ZNF518A: variants seen among roughly 807,000 people sequenced by gnomAD.
ZNF518A encodes the protein zinc finger protein 518.
Under a neutral mutation model 102.7 loss-of-function variants are expected in ZNF518A, and 47 were observed. The observed-to-expected ratio is 0.46, with a 90% CI of 0.36 to 0.58. The LOEUF (loss-of-function observed/expected upper bound fraction) is 0.58. Among genes scored for constraint, ZNF518A ranks in the 20% least tolerant of loss-of-function variants. The pLI, the probability that ZNF518A is intolerant of heterozygous loss-of-function variation, is 0.00. For synonymous variants in ZNF518A, 652 were observed against 594.6 expected, an observed-to-expected ratio of 1.10 and a Z score of -1.40; for missense variants, 1,793 against 1,699.8, an observed-to-expected ratio of 1.05 and a Z score of -0.96.
chr10:96,161,063 C>T lies in ZNF518A; in HGVS notation c.*289C>T, dbSNP rs587645863. On this transcript the variant is annotated 3_prime_UTR_variant, in exon 6 of 6. Transcript: ENST00000316045. ...AGGGCTAAAGAAAATTTTGATAAAA[C>T]AATTTTCCCACTTTAGTTCTTTAGT... is the stretch of plus-strand genomic sequence containing the variant. 489 of 265,134 alleles carry T rather than the reference C, an allele frequency of 1.8e-3. 1 individual carries two copies. Among genetic ancestry groups the T allele is most frequent in the Non-Finnish European group, 3.2e-3 (429 of 133,302 alleles). The allele number at this position is 265,134 out of a possible 1,614,324, so 16.4% of individuals were successfully genotyped here. A position where few individuals can be genotyped will look rare whatever the true frequency, so the allele number is the denominator to read the frequency against.
At chr10:96,181,729 T>G (rs2083241397) in intron 1 of ZNF518A, among the ~76,000 whole-genome samples, 2 of 152,228 alleles carry the variant, frequency 1.3e-5, no homozygotes, top group African/African-American at 4.8e-5. Flanking sequence ...CATTCTGTTT[T>G]GGTTACTGTA....
intron 1 of ZNF518A, chr10:96,191,665 C>T (rs782398928): frequency 4.2e-6 from 1 of 235,430 alleles, no homozygotes; most frequent in Non-Finnish European, 8.3e-6. Context: ...TATGCAAGAG[C>T]ATTATTTTCT....
intron 3 of ZNF518A, among the ~76,000 whole-genome samples, chr10:96,144,904 A>G (rs782111797): frequency 1.1e-4 from 17 of 152,228 alleles, no homozygotes; most frequent in Non-Finnish European, 2.1e-4. Flanking sequence ...AAATTGTTCA[A>G]CATTATAGTT....
At chr10:96,156,071 A>G (rs2082680500) in intron 5 of ZNF518A, 24 bp downstream of exon 5, 1 of 233,008 alleles carries the variant, frequency 4.3e-6, no homozygotes, top group Non-Finnish European at 8.2e-6. Flanking sequence ...AAAATACTTA[A>G]AAAGTCTTTT....
intron 1 of ZNF518A, among the ~76,000 whole-genome samples, chr10:96,175,187 A>G (rs2083195837): frequency 6.6e-6 from 1 of 152,210 alleles, no homozygotes; most frequent in African/African-American, 2.4e-5. Flanking sequence ...AGCTCATTCT[A>G]TGAGGCCAAA....
intron 3 of ZNF518A, among the ~76,000 whole-genome samples, chr10:96,153,179 G>C (rs587750862): frequency 6.6e-6 from 1 of 152,322 alleles, no homozygotes; most frequent in South Asian, 2.1e-4. Context: ...AGGGCAGGAG[G>C]AAGAGAGTAT....
chr10:96,179,681 T>A (rs1302172470), intron 1 of ZNF518A, among the ~76,000 whole-genome samples: 3 of 152,220 alleles, frequency 2.0e-5, no homozygotes, highest in African/African-American at 7.2e-5. Flanking sequence ...ACATACATAC[T>A]GACAGACATA....
At chr10:96,149,971 A>G (rs1191202146) in intron 3 of ZNF518A, among the ~76,000 whole-genome samples, 4 of 152,084 alleles carry the variant, frequency 2.6e-5, no homozygotes, top group Non-Finnish European at 5.9e-5. Context: ...TCAGAACTCT[A>G]TATAAATGTT....
intron 1 of ZNF518A, among the ~76,000 whole-genome samples, chr10:96,169,990 G>C (rs896840753): frequency 6.6e-6 from 1 of 152,214 alleles, no homozygotes; most frequent in Admixed American, 6.5e-5. Context: ...TGTTTGCTAA[G>C]GGACTTGTGT....
At chr10:96,204,022 C>G in exon 3 of ZNF518A, 2 of 1,593,326 alleles carry the variant, frequency 1.3e-6, no homozygotes, top group Non-Finnish European at 1.7e-6. Flanking sequence ...GCCTCGACCA[C>G]TCCCTGATAC....
At chr10:96,144,549 A>G (rs2082083463) in intron 3 of ZNF518A, among the ~76,000 whole-genome samples, 1 of 152,226 alleles carries the variant, frequency 6.6e-6, no homozygotes, top group African/African-American at 2.4e-5. Flanking sequence ...ATAAATTACC[A>G]AAGTGACTCA....
rs782048825 is a variant in ZNF518A at position 96,156,705 on chromosome 10, C to A, written c.383C>A (p.Thr128Asn). Residue 128 changes from threonine to asparagine, a missense_variant, in exon 6 of 6, where the codon ACT becomes AAT. By Grantham distance (65) the Thr-to-Asn change is moderately conservative. This residue lies in a region of ZNF518A where 1,741 missense variants were observed against 1,622.6 expected (regional missense o/e 1.07). Coordinates refer to ENST00000316045, the MANE Select transcript of ZNF518A (RefSeq NM_001330736.2). ...NFSCLKCRDNTRYSPNDLQKH... is the reference protein window; with the variant it reads ...NFSCLKCRDNNRYSPNDLQKH... ...AGCTGTTTAAAATGCCGAGACAACACTCGATATAGCCCAAATGATTTGCAG... is the reference window on the plus strand; with the variant it reads ...AGCTGTTTAAAATGCCGAGACAACAATCGATATAGCCCAAATGATTTGCAG... 5 of 1,613,838 alleles carry A rather than the reference C, an allele frequency of 3.1e-6. No homozygotes were observed. In the East Asian group the frequency reaches 1.1e-4, roughly 36 times the overall value.
At chr10:96,163,917 C>T (rs1216925372), downstream of ZNF518A, among the ~76,000 whole-genome samples, 2 of 152,030 alleles carry the variant, frequency 1.3e-5, no homozygotes, top group African/African-American at 4.8e-5. Flanking sequence ...AAAGTACGAA[C>T]TAAAATATGT....
intron 3 of ZNF518A, among the ~76,000 whole-genome samples, chr10:96,145,064 T>TTTG (rs56087328): frequency 3.9e-4 from 59 of 150,768 alleles, no homozygotes; most frequent in African/African-American, 9.7e-4. Context: ...ACATGTATGT[T>TTTG]TTGTTGTTGT....
chr10:96,176,717 G>A (rs2083206578), intron 1 of ZNF518A, among the ~76,000 whole-genome samples: 1 of 152,188 alleles, frequency 6.6e-6, no homozygotes, highest in African/African-American at 2.4e-5. Context: ...CCAACATGGT[G>A]AAACTCCATC....
chr10:96,171,324 A>G (rs755263121), intron 1 of ZNF518A, among the ~76,000 whole-genome samples: 2 of 152,218 alleles, frequency 1.3e-5, no homozygotes, highest in African/African-American at 2.4e-5. Flanking sequence ...ATAAATGTGT[A>G]TATCTATACA....
chr10:96,172,343 G>A (rs2083178815), intron 1 of ZNF518A, among the ~76,000 whole-genome samples: 1 of 151,984 alleles, frequency 6.6e-6, no homozygotes, highest in South Asian at 2.1e-4. Flanking sequence ...AAGCTATTTT[G>A]CAGTAAGGAA....
chr10:96,158,218 C>A lies in ZNF518A; in HGVS notation c.1896C>A (p.Ser632=), dbSNP rs1591234298. Residue 632 remains serine, a synonymous_variant, in exon 6 of 6, where the codon TCC becomes TCA. Coordinates refer to ENST00000316045, the MANE Select transcript of ZNF518A (RefSeq NM_001330736.2). ...YGNCELPVES[S]NQGSLPFHNY... ...ACTGTGAGTTACCTGTTGAATCCTC[C>A]AACCAAGGATCATTACCTTTTCATA... 1 of 1,613,674 alleles carries A rather than the reference C, an allele frequency of 6.2e-7. No homozygotes were observed. Among genetic ancestry groups the A allele is most frequent in the East Asian group, 2.2e-5 (1 of 44,876 alleles).
At chr10:96,169,809 G>A (rs1591271998) in intron 1 of ZNF518A, among the ~76,000 whole-genome samples, 1 of 152,110 alleles carries the variant, frequency 6.6e-6, no homozygotes, top group African/African-American at 2.4e-5. Context: ...AACCTCTCAG[G>A]TTTGTTATTC....
Sources: allele counts gnomAD v4.1 joint callset (sites outside exome capture counted in the v4.1 genomes callset), GRCh38; gene constraint gnomAD v4.1.1; regional missense constraint gnomAD v4.1.1; transcripts MANE v1.5; gene names NCBI Gene and HGNC (gene_info 2026-07-23, HGNC 2026-07-21).